MYH8: variants seen among roughly 807,000 people sequenced by gnomAD.
The protein encoded by MYH8 is myosin-8.
In MYH8, 168 loss-of-function variants were observed where a neutral mutation model predicts 233.2. That is an observed-to-expected ratio of 0.72 (90% CI 0.64 to 0.82). The LOEUF (loss-of-function observed/expected upper bound fraction) is 0.82. MYH8 is among the 40% of genes least tolerant of loss of function. The pLI, the probability that MYH8 is intolerant of heterozygous loss-of-function variation, is 0.00. For missense variants in MYH8, 1,995 were observed against 2,327.8 expected, an observed-to-expected ratio of 0.86 and a Z score of 2.94; for synonymous variants, 785 against 850.6, an observed-to-expected ratio of 0.92 and a Z score of 1.34.
chr17:10,409,016 G>T lies in MYH8; in HGVS notation c.1965+81C>A, dbSNP rs889734812. 5 of 1,293,504 alleles carry T rather than the reference G, an allele frequency of 3.9e-6. No homozygotes were observed. The African/African-American group carries it at 5.9e-5, about 15-fold the overall frequency. 80.1% of individuals were successfully genotyped at this position (1,293,504 alleles called of 1,614,324 possible). A position where few individuals can be genotyped will look rare whatever the true frequency, so the allele number is the denominator to read the frequency against. On this transcript the variant is annotated intron_variant, in intron 17 of 39. Transcript: ENST00000403437. ...AAGTGATTCCTATTAACATTTTATT[G>T]CCTCATAATTTTTTCTAAATCCTTA...
chr17:10,418,562 C>A, intron 5 of MYH8, 83 bp downstream of exon 5: 1 of 1,610,544 alleles, frequency 6.2e-7, no homozygotes, highest in Admixed American at 1.7e-5. Flanking sequence ...ATTATCATAA[C>A]ATAAAGAGGC....
rs2072043796 is a variant in MYH8, at chr17:10,392,997, G to A, written c.5297C>T (p.Ala1766Val). 1.2e-6 allele frequency: 2 copies of A among 1,614,160 alleles called. No homozygotes were observed. The highest frequency in any genetic ancestry group is 1.7e-6 in the Non-Finnish European group (2 of 1,180,030). The change falls in exon 37 of 40, where the codon GCC (alanine) becomes GTC (valine). Residue 1766 changes from alanine (A) to valine (V), a missense_variant. By Grantham distance (64) the Ala-to-Val change is moderately conservative. This residue lies in a region of MYH8 where 1,498 missense variants were observed against 1,680.9 expected (regional missense o/e 0.89). Transcript: ENST00000403437. ...CTTCTTCAGCTCCTCAGCCATCATG[G>A]CAGCCTATTTAGGAAATAAATTAAG... ...EKAKKAITDA[A>V]MMAEELKKEQ...
rs373920095 is a variant in MYH8 at position 10,395,446 on chromosome 17, A to G, written c.4654-5T>C. The G allele has an allele frequency of 2.2e-5, 36 of 1,613,806 alleles. No homozygotes were observed. The African/African-American group carries it at 4.4e-4, about 20-fold the overall frequency. Reference sequence around the variant, plus strand: ...TTCTTCATGTTCAAGAGATGCCTTAACAAAACAGTGATCAATTAATAATGG... The same window carrying G: ...TTCTTCATGTTCAAGAGATGCCTTAGCAAAACAGTGATCAATTAATAATGG... On this transcript the variant is annotated splice_region_variant and splice_polypyrimidine_tract_variant and intron_variant, in intron 33 of 39. Transcript: ENST00000403437.
Position 10,406,294 on chromosome 17 carries a change from A to T in MYH8, c.2275T>A (p.Tyr759Asn). ...TATACCTTGGTATGTCCAAATTTATATTGAGTATGATCAATATCAATAGAT... is the reference window on the plus strand; with the variant it reads ...TATACCTTGGTATGTCCAAATTTATTTTGAGTATGATCAATATCAATAGAT... ...LASIDIDHTQYKFGHTKVFFK... is the reference protein window; with the variant it reads ...LASIDIDHTQNKFGHTKVFFK... The change falls in exon 20 of 40, where the codon TAT becomes AAT. Residue 759 changes from tyrosine (Y) to asparagine (N), a missense_variant. Tyr to Asn is a moderately radical substitution (Grantham distance 143, BLOSUM62 -2). This residue lies in a region of MYH8 where 1,498 missense variants were observed against 1,680.9 expected (regional missense o/e 0.89). Transcript: ENST00000403437. 6.2e-7 allele frequency: 1 copy of T among 1,614,024 alleles called. No individual in the cohort carries two copies.
chr17:10,393,160 T>C lies in MYH8; in HGVS notation c.5217A>G (p.Gln1739=), dbSNP rs762752971. The C allele has an allele frequency of 1.8e-5, 29 of 1,614,108 alleles. No homozygotes were observed. In the South Asian group the frequency reaches 2.7e-4, roughly 15 times the overall value. The change falls in exon 36 of 40, where the codon CAA becomes CAG. Residue 1739 remains glutamine (Q), a synonymous_variant. Transcript: ENST00000403437. ...TTACTTCTTCCACTTCACTTTGGAG[T>C]TGGGAAACGTCATTTTCTAATTTCT... ...TKKKLENDVS[Q]LQSEVEEVIQ...
At chr17:10,421,205 C>T (rs370314349) in intron 2 of MYH8, among the ~76,000 whole-genome samples, 2 of 152,182 alleles carry the variant, frequency 1.3e-5, no homozygotes, top group East Asian at 1.9e-4. Context: ...GTAATACTTG[C>T]GACCTGTTAA....
At chr17:10,402,407 A>G (rs185325223) in intron 22 of MYH8, among the ~76,000 whole-genome samples, 1 of 152,204 alleles carries the variant, frequency 6.6e-6, no homozygotes, top group South Asian at 2.1e-4. Flanking sequence ...TTCAAAATTT[A>G]CATTTCCATT....
intron 1 of MYH8, 59 bp downstream of exon 1, chr17:10,421,871 C>T (rs1239721888): frequency 6.6e-6 from 1 of 152,042 alleles, no homozygotes; most frequent in Non-Finnish European, 1.5e-5. Flanking sequence ...CAGATAACTA[C>T]GAGGTCAGCT....
At chr17:10,411,093 T>G in intron 14 of MYH8, 146 bp from the exon 15 acceptor site, 3 of 1,439,920 alleles carry the variant, frequency 2.1e-6, no homozygotes, top group Non-Finnish European at 1.9e-6. Context: ...AAAATGATCA[T>G]TGGCCGGGCA....
At position 10,406,878 on chromosome 17, in the gene MYH8, T is replaced by A. The variant is rs1330801415; in HGVS notation, c.2053+14A>T. The A allele has an allele frequency of 6.2e-7, 1 of 1,613,554 alleles. No homozygotes were observed. Among genetic ancestry groups the A allele is most frequent in the Non-Finnish European group, 8.5e-7 (1 of 1,179,482 alleles). On this transcript the variant is annotated intron_variant, in intron 18 of 39. Transcript: ENST00000403437. Reference sequence around the variant, plus strand: ...ACCTGTGCCCGTTTGATTATTTCACTCTCTGTGTCTTACCAGGAGTTTTGG... The same window carrying A: ...ACCTGTGCCCGTTTGATTATTTCACACTCTGTGTCTTACCAGGAGTTTTGG...
At chr17:10,420,862 A>C (rs2072332866) in intron 2 of MYH8, among the ~76,000 whole-genome samples, 2 of 152,256 alleles carry the variant, frequency 1.3e-5, no homozygotes, top group East Asian at 3.8e-4. Context: ...CAACAGACTT[A>C]GCATTGCCTT....
rs1286781340 is a variant in MYH8 at position 10,398,767 on chromosome 17, C to G, written c.3981+1G>C. On this transcript the variant is annotated splice_donor_variant, in intron 29 of 39. Coordinates refer to ENST00000403437, the MANE Select transcript of MYH8 (RefSeq NM_002472.3). LOFTEE classifies it high-confidence loss of function. ...TCAAAAAAATCCTTGGCAAAACTCACTTTAGTTTCTTCCTCTAGTTGATGT... is the reference window on the plus strand; with the variant it reads ...TCAAAAAAATCCTTGGCAAAACTCAGTTTAGTTTCTTCCTCTAGTTGATGT... 13 of 1,614,032 alleles carry G rather than the reference C, an allele frequency of 8.1e-6. No homozygotes were observed. The highest frequency in any genetic ancestry group is 1.0e-5 in the Non-Finnish European group (12 of 1,179,976).
Position 10,393,129 on chromosome 17 carries a change from C to A in MYH8, c.5248G>T (p.Glu1750Ter), listed in dbSNP as rs746175156. Residue 1750 changes from glutamate (E) to a stop codon, truncating the protein, a stop_gained, in exon 36 of 40, where the codon GAA (glutamate) becomes TAA (stop). Coordinates refer to ENST00000403437, the MANE Select transcript of MYH8 (RefSeq NM_002472.3). LOFTEE classifies it high-confidence loss of function. ...GCTTTCTCTTCTGCATTGCGTGATT[C>A]TTGGATTACTTCTTCCACTTCACTT... Reference protein sequence around the residue: ...LQSEVEEVIQESRNAEEKAKK... With the variant: ...LQSEVEEVIQ 1 of 1,614,196 alleles carries A rather than the reference C, an allele frequency of 6.2e-7. No individual in the cohort carries two copies. Among genetic ancestry groups the A allele is most frequent in the East Asian group, 2.2e-5 (1 of 44,882 alleles).
Position 10,395,338 on chromosome 17 carries a change from A to G in MYH8, c.4757T>C (p.Ile1586Thr), listed in dbSNP as rs1380089220. 6.2e-7 allele frequency: 1 copy of G among 1,614,084 alleles called. No homozygotes were observed. The highest frequency in any genetic ancestry group is 1.1e-5 in the South Asian group (1 of 91,062). Residue 1586 changes from isoleucine (I) to threonine (T), a missense_variant, in exon 34 of 40, where the codon ATT becomes ACT. This residue lies in a region of MYH8 where 1,498 missense variants were observed against 1,680.9 expected (regional missense o/e 0.89). Transcript: ENST00000403437. Reference sequence around the variant, plus strand: ...AGTGTGGTTTCTCTTCAGCTGGTCAATTTCCTCATCCTTTTCTGCGATTTT... The same window carrying G: ...AGTGTGGTTTCTCTTCAGCTGGTCAGTTTCCTCATCCTTTTCTGCGATTTT... ...DRKIAEKDEE[I>T]DQLKRNHTRV... is the part of the protein sequence containing the mutation.
chr17:10,395,480 C>G (rs1298862949), intron 33 of MYH8, 39 bp from the exon 34 acceptor site: 4 of 1,605,296 alleles, frequency 2.5e-6, no homozygotes, highest in Non-Finnish European at 3.4e-6. Context: ...GGAGAAGAAC[C>G]TGAGTATTTG....
rs2072117097 is a variant in MYH8, at chr17:10,399,688, T to C, written c.3736-19A>G. ...GGTTTCCCTACAGGATATGTAGCAA[T>C]GAAAGATGAGACATTGAATGCAATA... On this transcript the variant is annotated intron_variant, in intron 27 of 39. Transcript: ENST00000403437. 6.2e-7 allele frequency: 1 copy of C among 1,613,762 alleles called. No homozygotes were observed. The highest frequency in any genetic ancestry group is 8.5e-7 in the Non-Finnish European group (1 of 1,179,860).
At position 10,419,230 on chromosome 17, in the gene MYH8, G is replaced by GT. The variant is rs1301182610; in HGVS notation, c.211-201dup. Among the ~76,000 whole-genome samples the GT allele has an allele frequency of 4.6e-5, 7 of 152,108 alleles. No homozygotes were observed. The highest frequency in any genetic ancestry group is 7.4e-5 in the Non-Finnish European group (5 of 68,018). ...CCATCACCATGCCCAGCTAATTTTTGTATTTTTAGTAGAGACAGGATTTCG... is the reference window on the plus strand; with the variant it reads ...CCATCACCATGCCCAGCTAATTTTTGTTATTTTTAGTAGAGACAGGATTTCG... On this transcript the variant is annotated intron_variant, in intron 3 of 39. Transcript: ENST00000403437. This position sits in a 1 kb window ranked among gnomAD's most constrained non-coding sequence, Gnocchi z 4.0.
At chr17:10,405,961 T>C in intron 21 of MYH8, 80 bp downstream of exon 21, 1 of 1,551,892 alleles carries the variant, frequency 6.4e-7, no homozygotes, top group Non-Finnish European at 8.9e-7. Flanking sequence ...AGCCACCAAA[T>C]GAAAGAATTA....
chr17:10,398,958 G>GT, intron 28 of MYH8, 72 bp from the exon 29 acceptor site: 1 of 810,754 alleles, frequency 1.2e-6, no homozygotes, highest in Admixed American at 1.8e-5. Flanking sequence ...ATTTATATAT[G>GT]TGTGTGTGTA....
Sources: gnomAD v4.1 joint callset for allele counts (sites outside exome capture counted in the v4.1 genomes callset) on GRCh38, gnomAD v4.1.1 for gene constraint, gnomAD v4.1.1 regional missense constraint, Gnocchi (gnomAD v3.1) non-coding constraint, MANE v1.5 for transcripts, NCBI Gene and HGNC (gene_info 2026-07-23, HGNC 2026-07-21) for gene names.